PTCH1: variants seen among roughly 807,000 people sequenced by gnomAD.
PTCH1 encodes the protein patched 1.
PTCH1 carries 14 observed loss-of-function variants against 144.6 expected under a neutral mutation model. The ratio of observed to expected loss-of-function variants is 0.10; its 90% CI spans 0.06 to 0.15. The LOEUF (loss-of-function observed/expected upper bound fraction) is 0.15. Ranked by LOEUF, PTCH1 falls within the 10% of genes least tolerant of loss-of-function variation. PTCH1 has a pLI of 1.00. For missense variants in PTCH1, 1,623 were observed against 1,948.3 expected (o/e 0.83, Z 3.14); for synonymous variants, 833 against 793.6 (o/e 1.05, Z -0.83).
chr9:95,446,654 G>T, intron 23 of PTCH1: 1 of 591,366 alleles, frequency 1.7e-6, no homozygotes, highest in South Asian at 1.9e-5. Flanking sequence ...GGTGCTGTTT[G>T]TGTCCTTGTG....
At chr9:95,468,488 G>A (rs1840240802) in intron 14 of PTCH1, among the ~76,000 whole-genome samples, 1 of 152,198 alleles carries the variant, frequency 6.6e-6, no homozygotes, top group South Asian at 2.1e-4. Flanking sequence ...ATGAGCCACC[G>A]CAAGTGGCAA....
In PTCH1 at chr9:95,469,076, G is replaced by A. The variant is rs762371629; in HGVS notation, c.1925C>T (p.Pro642Leu). ...DTHDNTRYSPPPPYSSHSFAH... is the reference protein window; with the variant it reads ...DTHDNTRYSPLPPYSSHSFAH... ...AAAGCTGTGGCTGCTGTAGGGAGGT[G>A]GGGGGCTGTAGCGGGTATTGTCGTG... Residue 642 changes from proline (P) to leucine (L), a missense_variant, in exon 14 of 24, where the codon CCA becomes CTA. Transcript: ENST00000331920. The A allele has an allele frequency of 6.2e-7, 1 of 1,614,078 alleles. No homozygotes were observed. Among genetic ancestry groups the A allele is most frequent in the East Asian group, 2.2e-5 (1 of 44,882 alleles).
intron 2 of PTCH1, among the ~76,000 whole-genome samples, chr9:95,505,857 G>A (rs1843544523): frequency 6.7e-6 from 1 of 149,056 alleles, no homozygotes; most frequent in Non-Finnish European, 1.5e-5. Flanking sequence ...CACACACGCC[G>A]CCGCCTCCGC....
rs768145867 is a variant in PTCH1 at position 95,462,038 on chromosome 9, G to A, written c.2561-40C>T. ...TGATTGTAACACATTATAACTCGCA[G>A]CCAGAAGGACCCTGGTCCTAGCGGG... On this transcript the variant is annotated intron_variant, in intron 15 of 23. Transcript: ENST00000331920. 7.4e-6 allele frequency: 12 copies of A among 1,613,678 alleles called. No individual in the cohort carries two copies. In the South Asian group the frequency reaches 1.3e-4, roughly 18 times the overall value.
rs1239869539 is a variant in PTCH1 at position 95,468,753 on chromosome 9, T to C, written c.2248A>G (p.Lys750Glu). 11 of 1,613,988 alleles carry C rather than the reference T, an allele frequency of 6.8e-6. No individual in the cohort carries two copies. The highest frequency in any genetic ancestry group is 2.7e-5 in the African/African-American group (2 of 74,916). ...YAPFLLKPKA[K>E]VVVIFLFLGL... Reference sequence around the variant, plus strand: ...AGCCTTAAGTTGTGGCAGATTACCTTGGCTTTTGGTTTCAAGAGGAAAGGA... The same window carrying C: ...AGCCTTAAGTTGTGGCAGATTACCTCGGCTTTTGGTTTCAAGAGGAAAGGA... The change falls in exon 14 of 24, where the codon AAG becomes GAG. Residue 750 changes from lysine (K) to glutamate (E), a missense_variant and splice_region_variant. This residue lies in a region of PTCH1 where 504 missense variants were observed against 679.3 expected (regional missense o/e 0.74). Transcript: ENST00000331920.
chr9:95,474,761 G>A (rs2118217572), intron 12 of PTCH1, among the ~76,000 whole-genome samples: 1 of 152,204 alleles, frequency 6.6e-6, no homozygotes, highest in Non-Finnish European at 1.5e-5. Flanking sequence ...GGAAAGACTA[G>A]GAAAGAGCTA....
At chr9:95,508,034 TGTGAGTGA>T (rs139100790) in intron 1 of PTCH1, 119 bp downstream of exon 1, 21 of 1,521,164 alleles carry the variant, frequency 1.4e-5, no homozygotes, top group Middle Eastern at 1.9e-4. Context: ...CCTGGAGAGG[TGTGAGTGA>T]GTGTGTGTGT....
chr9:95,516,351 G>A, intron 1 of PTCH1: 1 of 783,650 alleles, frequency 1.3e-6, no homozygotes, highest in African/African-American at 1.9e-5. Context: ...CGGCGCTCGG[G>A]GCTCGCTCCT....
At chr9:95,485,003 C>G in intron 3 of PTCH1, among the ~76,000 whole-genome samples, 1 of 152,024 alleles carries the variant, frequency 6.6e-6, no homozygotes, top group Non-Finnish European at 1.5e-5. Context: ...GTCAGGAGTT[C>G]GAGACTAGCC....
Position 95,444,505 on chromosome 9 carries a change from GCACGCA to G in PTCH1, c.*1882_*1887del, listed in dbSNP as rs1478667353. The G allele has an allele frequency of 7.1e-6, 1 of 140,952 alleles. No individual in the cohort carries two copies. The highest frequency in any genetic ancestry group is 1.5e-5 in the Non-Finnish European group (1 of 68,314). 8.7% of individuals were successfully genotyped at this position (140,952 alleles called of 1,614,324 possible). On this transcript the variant is annotated 3_prime_UTR_variant, in exon 24 of 24. Transcript: ENST00000331920. Reference sequence around the variant, plus strand: ...CCAGCAGAGACACACACACACGCACGCACGCACACACACACACACACACCCAGCAGC... The same window carrying G: ...CCAGCAGAGACACACACACACGCACGCACACACACACACACACCCAGCAGC...
chr9:95,507,981 G>A, intron 1 of PTCH1, 180 bp downstream of exon 1: 2 of 1,500,488 alleles, frequency 1.3e-6, no homozygotes, highest in South Asian at 2.6e-5. Flanking sequence ...CAGGACCAGA[G>A]GGAGGGTTTG....
At chr9:95,504,276 T>A (rs1237545835) in intron 2 of PTCH1, among the ~76,000 whole-genome samples, 1 of 151,888 alleles carries the variant, frequency 6.6e-6, no homozygotes, top group African/African-American at 2.4e-5. Flanking sequence ...AAAGAAAAAC[T>A]TTACTCCCTC....
At chr9:95,471,209 C>T (rs1840547543) in intron 12 of PTCH1, among the ~76,000 whole-genome samples, 1 of 152,178 alleles carries the variant, frequency 6.6e-6, no homozygotes, top group African/African-American at 2.4e-5. Context: ...CTATAACTGC[C>T]ACCTAACACA....
intron 2 of PTCH1, among the ~76,000 whole-genome samples, chr9:95,501,830 T>A (rs1175892901): frequency 6.6e-6 from 1 of 152,178 alleles, no homozygotes; most frequent in Non-Finnish European, 1.5e-5. Context: ...GGGTTAAAAC[T>A]GCTTAACAAA....
Position 95,445,386 on chromosome 9 carries a change from A to C in PTCH1, c.*1007T>G, listed in dbSNP as rs1039092365. The C allele has an allele frequency of 6.6e-6, 1 of 152,194 alleles. No homozygotes were observed. Among genetic ancestry groups the C allele is most frequent in the African/African-American group, 2.4e-5 (1 of 41,436 alleles). The allele number at this position is 152,194 out of a possible 1,614,324, so 9.4% of individuals were successfully genotyped here. Reference sequence around the variant, plus strand: ...TAGAGTATACAGACTCTCATGGCCCAGCCAAGGCTCAGCACTAGGCATGTC... The same window carrying C: ...TAGAGTATACAGACTCTCATGGCCCCGCCAAGGCTCAGCACTAGGCATGTC... On this transcript the variant is annotated 3_prime_UTR_variant, in exon 24 of 24. Transcript: ENST00000331920.
rs373930674 is a variant in PTCH1, at chr9:95,478,070, G to T, written c.1332C>A (p.Ser444Arg). ...FSDVSVIRVASGYLLMLAYAC... is the reference protein window; with the variant it reads ...FSDVSVIRVARGYLLMLAYAC... ...CGAGCGTTACCATGAGTAAGTAGCC[G>T]CTGGCCACGCGGATGACACTGACGT... is the stretch of plus-strand genomic sequence containing the variant. The change falls in exon 9 of 24, where the codon AGC (serine) becomes AGA (arginine). Residue 444 changes from serine (S) to arginine (R), a missense_variant. Ser to Arg is a moderately radical substitution (Grantham distance 110, BLOSUM62 -1). Transcript: ENST00000331920. The T allele has an allele frequency of 1.2e-6, 2 of 1,614,194 alleles. No homozygotes were observed. The highest frequency in any genetic ancestry group is 1.7e-6 in the Non-Finnish European group (2 of 1,180,034).
intron 2 of PTCH1, among the ~76,000 whole-genome samples, chr9:95,488,105 A>T (rs148716591): frequency 7.9e-5 from 12 of 152,244 alleles, no homozygotes; most frequent in Non-Finnish European, 1.6e-4. Context: ...GACCAACCTC[A>T]TAATGGAGCA....
chr9:95,475,971 A>G (rs1476209961), intron 12 of PTCH1, 63 bp downstream of exon 12: 7 of 1,609,940 alleles, frequency 4.3e-6, no homozygotes, highest in African/African-American at 1.3e-5. Flanking sequence ...GACCGCAGAC[A>G]TGGGATGCTG....
intron 14 of PTCH1, among the ~76,000 whole-genome samples, chr9:95,468,174 C>A (rs1840201020): frequency 1.3e-5 from 2 of 152,236 alleles, no homozygotes; most frequent in Admixed American, 1.3e-4. Flanking sequence ...CTCAGTGACC[C>A]TCCCACCTCA....
Sources: allele counts gnomAD v4.1 joint callset (sites outside exome capture counted in the v4.1 genomes callset), GRCh38; gene constraint gnomAD v4.1.1; regional missense constraint gnomAD v4.1.1; transcripts MANE v1.5; gene names NCBI Gene and HGNC (gene_info 2026-07-23, HGNC 2026-07-21).